MALRD1: variants seen among roughly 807,000 people sequenced by gnomAD.
The protein encoded by MALRD1 is MAM and LDL receptor class A domain containing 1.
Under a neutral mutation model 242.1 loss-of-function variants are expected in MALRD1, and 247 were observed. That is an observed-to-expected ratio of 1.02 (90% CI 0.92 to 1.13). The LOEUF is 1.13. Ranked by LOEUF, MALRD1 falls within the 50% of genes most tolerant of loss-of-function variation. MALRD1 has a pLI of 0.00. For missense variants in MALRD1, 2,989 were observed against 2,533.1 expected (o/e 1.18, Z -3.86); for synonymous variants, 995 against 866.6 (o/e 1.15, Z -2.60).
At chr10:19,348,394 C>T (rs957646716) in intron 25 of MALRD1, among the ~76,000 whole-genome samples, 6 of 151,950 alleles carry the variant, frequency 3.9e-5, no homozygotes, top group South Asian at 2.1e-4. Context: ...AATTAAACAA[C>T]AGTCAGAATA....
chr10:19,503,134 T>C (rs74438676), intron 31 of MALRD1, among the ~76,000 whole-genome samples: 6,651 of 152,290 alleles, frequency 0.044, 207 homozygotes, highest in Middle Eastern at 0.082. Context: ...TTTTACAGAG[T>C]GCTCTCTTCA....
At chr10:19,618,100 G>A (rs1482871594) in intron 36 of MALRD1, among the ~76,000 whole-genome samples, 3 of 151,940 alleles carry the variant, frequency 2.0e-5, no homozygotes, top group Non-Finnish European at 4.4e-5. Context: ...CTGTTCCTGC[G>A]TTAGTTTGCT....
chr10:19,547,872 C>G (rs779999273), intron 32 of MALRD1, among the ~76,000 whole-genome samples: 11 of 104,494 alleles, frequency 1.1e-4, no homozygotes, highest in Admixed American at 7.2e-4. Flanking sequence ...TTTGTAACAA[C>G]ATTGCATTCA....
chr10:19,383,099 A>G (rs1845905712), intron 26 of MALRD1, among the ~76,000 whole-genome samples: 1 of 152,164 alleles, frequency 6.6e-6, no homozygotes. Context: ...TGTTTGTTAT[A>G]TAGGTAACTT....
intron 21 of MALRD1, among the ~76,000 whole-genome samples, chr10:19,315,008 A>G (rs989755031): frequency 1.4e-5 from 2 of 145,500 alleles, no homozygotes; most frequent in Non-Finnish European, 3.0e-5. Flanking sequence ...AAATTTATAT[A>G]ATTTATATAA....
intron 33 of MALRD1, among the ~76,000 whole-genome samples, chr10:19,576,712 C>T (rs550731147): frequency 6.6e-6 from 1 of 152,258 alleles, no homozygotes; most frequent in African/African-American, 2.4e-5. Context: ...TTTAGTCCTA[C>T]CACTTCTCTG....
At chr10:19,379,393 T>C in intron 26 of MALRD1, among the ~76,000 whole-genome samples, 1 of 152,130 alleles carries the variant, frequency 6.6e-6, no homozygotes, top group East Asian at 1.9e-4. Flanking sequence ...ACTTAGTTAA[T>C]TGATTTTGGA....
chr10:19,435,513 A>G (rs1246830433), intron 28 of MALRD1, among the ~76,000 whole-genome samples: 1 of 152,100 alleles, frequency 6.6e-6, no homozygotes, highest in Non-Finnish European at 1.5e-5. Context: ...GTTTTAAGGC[A>G]TACTGATCAG....
chr10:19,533,170 C>G (rs1834504476), intron 32 of MALRD1, among the ~76,000 whole-genome samples: 1 of 152,212 alleles, frequency 6.6e-6, no homozygotes, highest in African/African-American at 2.4e-5. Context: ...TACTCACCAG[C>G]TGGGCCTTCA....
At chr10:19,590,298 TTA>T (rs994968381) in intron 33 of MALRD1, among the ~76,000 whole-genome samples, 2 of 148,038 alleles carry the variant, frequency 1.4e-5, no homozygotes, top group Admixed American at 6.8e-5. Flanking sequence ...CATGTATATA[TTA>T]TATATGTTAT....
chr10:19,461,001 C>T (rs1835910824), intron 29 of MALRD1, among the ~76,000 whole-genome samples: 1 of 152,144 alleles, frequency 6.6e-6, no homozygotes, highest in South Asian at 2.1e-4. Context: ...ATCAAAACAA[C>T]TTCTGGTTAT....
At chr10:19,214,212 C>T (rs905942808) in intron 18 of MALRD1, among the ~76,000 whole-genome samples, 1 of 152,220 alleles carries the variant, frequency 6.6e-6, no homozygotes, top group South Asian at 2.1e-4. Context: ...ACTCTCAGCT[C>T]TTTCCCCTCA....
intron 32 of MALRD1, among the ~76,000 whole-genome samples, chr10:19,554,386 A>G (rs898635823): frequency 2.6e-5 from 4 of 151,908 alleles, no homozygotes; most frequent in Non-Finnish European, 5.9e-5. Context: ...TTTTATATTA[A>G]TTTAAATTTT....
At chr10:19,670,322 A>C (rs539298889) in intron 36 of MALRD1, among the ~76,000 whole-genome samples, 1 of 152,182 alleles carries the variant, frequency 6.6e-6, no homozygotes, top group African/African-American at 2.4e-5. Context: ...TCCATCAGCA[A>C]ACCCATCAGC....
chr10:19,709,312 G>A (rs1834006624), intron 38 of MALRD1, among the ~76,000 whole-genome samples: 1 of 151,582 alleles, frequency 6.6e-6, no homozygotes, highest in African/African-American at 2.4e-5. Flanking sequence ...AGCTACTTGG[G>A]GGCCTGAGGC....
At chr10:19,292,619 G>A (rs1174334990) in intron 21 of MALRD1, among the ~76,000 whole-genome samples, 2 of 151,948 alleles carry the variant, frequency 1.3e-5, no homozygotes, top group African/African-American at 2.4e-5. Flanking sequence ...CAGGCCGGGC[G>A]GGGTGGTTCA....
intron 22 of MALRD1, among the ~76,000 whole-genome samples, chr10:19,324,470 A>G (rs985542584): frequency 6.6e-6 from 1 of 152,136 alleles, no homozygotes; most frequent in Non-Finnish European, 1.5e-5. Flanking sequence ...CTTTGATGGT[A>G]GTAGTGCTAC....
At chr10:19,317,552 A>G (rs1330494819) in intron 21 of MALRD1, among the ~76,000 whole-genome samples, 1 of 151,986 alleles carries the variant, frequency 6.6e-6, no homozygotes, top group Non-Finnish European at 1.5e-5. Context: ...AAAACAGCCT[A>G]AGTTAGCACA....
chr10:19,560,092 G>C (rs1008194077), intron 32 of MALRD1, among the ~76,000 whole-genome samples: 3 of 152,152 alleles, frequency 2.0e-5, no homozygotes, highest in Admixed American at 6.6e-5. Context: ...ATTCTTCAAG[G>C]ATCTAGAACC....
Sources: gnomAD v4.1 joint callset for allele counts (sites outside exome capture counted in the v4.1 genomes callset) on GRCh38, gnomAD v4.1.1 for gene constraint, MANE v1.5 for transcripts, NCBI Gene and HGNC (gene_info 2026-07-23, HGNC 2026-07-21) for gene names.